PALM2AKAP2: variants seen among roughly 807,000 people sequenced by gnomAD.
PALM2AKAP2 encodes the protein PALM2 and AKAP2 fusion, also known as PALM2-AKAP2 fusion protein.
A neutral mutation model predicts 71.5 loss-of-function variants in PALM2AKAP2; 37 were observed. The observed-to-expected ratio is 0.52, with a 90% CI of 0.40 to 0.68. The LOEUF is 0.68. Ranked by LOEUF, PALM2AKAP2 falls within the 30% of genes least tolerant of loss-of-function variation. The pLI is 0.00. For missense variants in PALM2AKAP2, 1,224 were observed against 1,191.8 expected (o/e 1.03, Z -0.40); for synonymous variants, 468 against 478.8 (o/e 0.98, Z 0.29).
intron 6 of PALM2AKAP2, among the ~76,000 whole-genome samples, chr9:109,950,338 C>T (rs530305317): frequency 8.2e-4 from 125 of 151,974 alleles, no homozygotes; most frequent in Middle Eastern, 3.4e-3. Flanking sequence ...TTCTACATAA[C>T]ACAGGGCTAC....
At chr9:110,117,610 T>A (rs781503412) in intron 1 of PALM2AKAP2, among the ~76,000 whole-genome samples, 5 of 152,146 alleles carry the variant, frequency 3.3e-5, no homozygotes, top group Non-Finnish European at 7.4e-5. Flanking sequence ...GTTCTTACAT[T>A]TCTGGAGGCT....
At chr9:109,723,486 C>G (rs1480372089) in intron 1 of PALM2AKAP2, among the ~76,000 whole-genome samples, 1 of 152,124 alleles carries the variant, frequency 6.6e-6, no homozygotes, top group East Asian at 1.9e-4. Context: ...ATAGGAGAAT[C>G]AAATAACAAT....
chr9:109,818,103 A>G (rs563354117), intron 1 of PALM2AKAP2, among the ~76,000 whole-genome samples: 3 of 152,328 alleles, frequency 2.0e-5, no homozygotes, highest in East Asian at 3.9e-4. Flanking sequence ...TCAACCCCGC[A>G]CATATTTTTG....
chr9:109,812,455 G>A (rs1256187207), intron 1 of PALM2AKAP2, among the ~76,000 whole-genome samples: 1 of 152,212 alleles, frequency 6.6e-6, no homozygotes, highest in Non-Finnish European at 1.5e-5. Context: ...CATTGGATAG[G>A]AGTGAGCCTG....
At chr9:109,901,489 G>A (rs994514646) in intron 3 of PALM2AKAP2, among the ~76,000 whole-genome samples, 9 of 152,124 alleles carry the variant, frequency 5.9e-5, no homozygotes, top group African/African-American at 1.9e-4. Flanking sequence ...GAGGTTCTTC[G>A]CAGGATCTTC....
At position 109,693,059 on chromosome 9, in the gene PALM2AKAP2, T is replaced by G. The variant is rs151161524; in HGVS notation, c.5+52193T>G. On this transcript the variant is annotated intron_variant, in intron 1 of 6. Transcript: ENST00000374531. ...GATTTGTGTAGAATTGGCATTGCAC[T>G]CCTGTAAATGCTTAGTAGAAATTAC... Among the ~76,000 whole-genome samples, 1,134 of 152,088 alleles carry G rather than the reference T, an allele frequency of 7.5e-3. 5 individuals carry two copies. The highest frequency in any genetic ancestry group is 9.7e-3 in the Admixed American group (148 of 15,278).
At chr9:109,923,714 C>T (rs1043350644) in intron 3 of PALM2AKAP2, 21 bp from the exon 4 acceptor site, 5 of 1,574,776 alleles carry the variant, frequency 3.2e-6, no homozygotes, top group Non-Finnish European at 1.7e-6. Context: ...GTAACTTGTC[C>T]TTTGTTTGTG....
At chr9:110,131,878 G>A (rs1291753276) in intron 1 of PALM2AKAP2, among the ~76,000 whole-genome samples, 1 of 152,130 alleles carries the variant, frequency 6.6e-6, no homozygotes, top group African/African-American at 2.4e-5. Flanking sequence ...AATTTATGGG[G>A]AAAGGGGGAC....
chr9:110,168,785 T>G, exon 4 of PALM2AKAP2: 3 of 312,540 alleles, frequency 9.6e-6, no homozygotes, highest in Non-Finnish European at 1.2e-5. Flanking sequence ...CAAAACATGT[T>G]ACAAGCAAAT....
At chr9:110,158,130 C>T (rs890891258) in intron 3 of PALM2AKAP2, among the ~76,000 whole-genome samples, 1 of 152,224 alleles carries the variant, frequency 6.6e-6, no homozygotes, top group Non-Finnish European at 1.5e-5. Flanking sequence ...CAGCTCCTTT[C>T]GTGAGCCTGC....
intron 1 of PALM2AKAP2, among the ~76,000 whole-genome samples, chr9:109,856,774 G>T (rs1829179519): frequency 6.6e-6 from 1 of 152,090 alleles, no homozygotes; most frequent in Non-Finnish European, 1.5e-5. Context: ...CCAGATACTG[G>T]CATCTAAGAA....
intron 1 of PALM2AKAP2, among the ~76,000 whole-genome samples, chr9:109,806,840 G>A (rs1827588631): frequency 6.6e-6 from 1 of 152,194 alleles, no homozygotes; most frequent in Non-Finnish European, 1.5e-5. Context: ...ATATACCGTG[G>A]TAAGGATGTT....
intron 3 of PALM2AKAP2, among the ~76,000 whole-genome samples, chr9:109,921,609 T>C (rs779327990): frequency 2.6e-5 from 4 of 152,212 alleles, no homozygotes; most frequent in South Asian, 2.1e-4. Flanking sequence ...CAGTGAAATC[T>C]GTGAACACCT....
At chr9:109,749,658 A>G (rs985573895) in intron 1 of PALM2AKAP2, among the ~76,000 whole-genome samples, 1 of 152,102 alleles carries the variant, frequency 6.6e-6, no homozygotes, top group African/African-American at 2.4e-5. Flanking sequence ...ATGCAATCCT[A>G]TAGAAAAATT....
chr9:110,016,928 G>A (rs182829180), intron 7 of PALM2AKAP2, among the ~76,000 whole-genome samples: 39 of 152,172 alleles, frequency 2.6e-4, no homozygotes, highest in Admixed American at 7.2e-4. Flanking sequence ...TGCCCAGGCC[G>A]GAGTGCAGTG....
intron 1 of PALM2AKAP2, among the ~76,000 whole-genome samples, chr9:109,781,230 A>G (rs755716051): frequency 2.0e-4 from 31 of 152,320 alleles, no homozygotes; most frequent in Admixed American, 8.5e-4. Context: ...ACCCATGTGC[A>G]TCTTGGGTTT....
In PALM2AKAP2 at chr9:109,721,673, C is replaced by T. The variant is rs559266757; in HGVS notation, c.6-58815C>T. Among the ~76,000 whole-genome samples the T allele has an allele frequency of 1.1e-4, 16 of 152,264 alleles. No individual in the cohort carries two copies. The Middle Eastern group carries it at 0.01, about 97-fold the overall frequency. On this transcript the variant is annotated intron_variant, in intron 1 of 6. Transcript: ENST00000374531. The stretch of plus-strand genomic sequence containing the variant: ...GTCTCTAATCTCCCTGGTTCTTTAA[C>T]GTAATTCCCATGCATGAAGCCCCCC...
chr9:110,040,513 C>T (rs1399999426), intron 7 of PALM2AKAP2, among the ~76,000 whole-genome samples: 2 of 152,174 alleles, frequency 1.3e-5, no homozygotes, highest in Non-Finnish European at 2.9e-5. Flanking sequence ...CTGAGAGAAT[C>T]AGAATTCTTA....
At chr9:110,095,368 G>A (rs1429998376) in intron 1 of PALM2AKAP2, among the ~76,000 whole-genome samples, 10 of 152,256 alleles carry the variant, frequency 6.6e-5, no homozygotes, top group Admixed American at 3.9e-4. Context: ...AGAGGACACC[G>A]CAGCCTTGCT....
Sources: gnomAD v4.1 joint callset for allele counts (sites outside exome capture counted in the v4.1 genomes callset) on GRCh38, gnomAD v4.1.1 for gene constraint, MANE v1.5 for transcripts, NCBI Gene and HGNC (gene_info 2026-07-23, HGNC 2026-07-21) for gene names.